The following CDKL5 variants were observed in gnomAD, a reference collection of about 807,000 sequenced individuals.
CDKL5 encodes cyclin dependent kinase like 5.
Under a neutral mutation model 61.7 loss-of-function variants are expected in CDKL5, and 8 were observed. The observed-to-expected ratio is 0.13, with a 90% confidence interval of 0.08 to 0.23. The LOEUF (loss-of-function observed/expected upper bound fraction) is 0.23, where lower values mean the gene tolerates loss of function less well. Ranked by LOEUF, CDKL5 falls within the 10% of genes least tolerant of loss-of-function variation. The pLI is 1.00. For missense variants in CDKL5, 440 were observed against 734.5 expected (o/e 0.60, Z 4.63); for synonymous variants, 275 against 272.3 (o/e 1.01, Z -0.10).
chrX:18,528,514 C>T (rs975837015), intron 3 of CDKL5, among the ~76,000 whole-genome samples: 2 of 110,469 alleles, frequency 1.8e-5, no homozygotes, highest in African/African-American at 6.6e-5. Context: ...ACTTCAACTT[C>T]CTCTTGATTA....
intron 1 of CDKL5, among the ~76,000 whole-genome samples, chrX:18,435,138 A>T (rs1248155741): frequency 1.8e-5 from 2 of 111,442 alleles, no homozygotes; most frequent in African/African-American, 6.5e-5. Flanking sequence ...TAATTTCCTG[A>T]TGAGTAGAAT....
At chrX:18,537,249 ACTC>A (rs912706288) in intron 3 of CDKL5, among the ~76,000 whole-genome samples, 4 of 111,150 alleles carry the variant, frequency 3.6e-5, no homozygotes, top group African/African-American at 1.3e-4. Flanking sequence ...ATACTACAAA[ACTC>A]CTGAAACTTT....
At chrX:18,510,639 T>C (rs771272212) in intron 2 of CDKL5, among the ~76,000 whole-genome samples, 181 bp from the exon 3 acceptor site, 5 of 112,607 alleles carry the variant, frequency 4.4e-5, no homozygotes, top group Non-Finnish European at 9.4e-5. Context: ...GTCTATACTC[T>C]TGATTTATAA....
chrX:18,511,175 C>T (rs1922813167), intron 3 of CDKL5, among the ~76,000 whole-genome samples: 1 of 111,462 alleles, frequency 9.0e-6, no homozygotes, highest in African/African-American at 3.3e-5. Context: ...TGGAATTTTC[C>T]ACTTGTGGCA....
chrX:18,520,174 A>G (rs771047420), intron 3 of CDKL5, among the ~76,000 whole-genome samples: 11 of 112,302 alleles, frequency 9.8e-5, no homozygotes, highest in Non-Finnish European at 1.7e-4. Context: ...ATGTTGTGCA[A>G]CCACCACCTC....
At chrX:18,431,423 C>CTT (rs1177063856) in intron 1 of CDKL5, among the ~76,000 whole-genome samples, 3 of 95,485 alleles carry the variant, frequency 3.1e-5, no homozygotes, top group Admixed American at 1.1e-4. Flanking sequence ...GATTTCTTTT[C>CTT]TTTTTTTTTT....
intron 3 of CDKL5, among the ~76,000 whole-genome samples, chrX:18,515,979 C>G (rs1313659753): frequency 2.7e-5 from 3 of 109,167 alleles, no homozygotes; most frequent in Non-Finnish European, 5.7e-5. Flanking sequence ...TCCTCCCTTC[C>G]TTCCTTTCTT....
At chrX:18,496,691 ACAGT>A (rs1026014203) in intron 1 of CDKL5, among the ~76,000 whole-genome samples, 1 of 112,036 alleles carries the variant, frequency 8.9e-6, no homozygotes, top group Non-Finnish European at 1.9e-5. Context: ...ATGCTATAAC[ACAGT>A]CAGATTGGAA....
intron 17 of CDKL5, among the ~76,000 whole-genome samples, chrX:18,625,963 A>G (rs1927027833): frequency 9.0e-6 from 1 of 111,194 alleles, no homozygotes; most frequent in African/African-American, 3.3e-5. Context: ...ATTCTTCTGC[A>G]CTATAATTTC....
intron 3 of CDKL5, among the ~76,000 whole-genome samples, chrX:18,560,588 A>G (rs1356917569): frequency 1.8e-5 from 2 of 112,006 alleles, no homozygotes; most frequent in South Asian, 3.7e-4. Flanking sequence ...TGATGATGCA[A>G]TTGTGAACTT....
chrX:18,642,114 G>A (rs375231198), downstream of CDKL5: 1 of 1,210,080 alleles, frequency 8.3e-7, no homozygotes, highest in African/African-American at 1.7e-5. Flanking sequence ...GGCCGCAGCA[G>A]GTTCTGAACC....
intron 14 of CDKL5, among the ~76,000 whole-genome samples, chrX:18,611,439 C>CAAA (rs1350028134): frequency 7.6e-5 from 3 of 39,330 alleles, no homozygotes; most frequent in Admixed American, 3.3e-4. Flanking sequence ...CGTCTCAAAA[C>CAAA]AAAAAAAAAA....
intron 16 of CDKL5, among the ~76,000 whole-genome samples, chrX:18,621,676 T>TAA (rs1299054631): frequency 9.0e-6 from 1 of 111,572 alleles, no homozygotes. Flanking sequence ...AAATACTTTA[T>TAA]TATCTTCAAT....
intron 1 of CDKL5, among the ~76,000 whole-genome samples, chrX:18,504,280 T>C (rs945824731): frequency 1.8e-5 from 2 of 110,782 alleles, no homozygotes; most frequent in South Asian, 7.9e-4. Flanking sequence ...TTGTTTTTTT[T>C]GTTTTTGTAG....
chrX:18,438,253 A>G (rs745854105), intron 1 of CDKL5, among the ~76,000 whole-genome samples: 16 of 108,632 alleles, frequency 1.5e-4, no homozygotes, highest in Non-Finnish European at 2.7e-4. Flanking sequence ...TTTAGTAAAG[A>G]CGGGGTTTCA....
chrX:18,650,797 G>A (rs997945975), intron 21 of CDKL5, among the ~76,000 whole-genome samples: 1 of 112,342 alleles, frequency 8.9e-6, no homozygotes, highest in African/African-American at 3.2e-5. Flanking sequence ...CTGGGGTAGG[G>A]GCCCACCCTC....
chrX:18,536,980 C>G (rs1478979172), intron 3 of CDKL5, among the ~76,000 whole-genome samples: 1 of 104,850 alleles, frequency 9.5e-6, no homozygotes, highest in Non-Finnish European at 1.9e-5. Context: ...TCAAATGTGC[C>G]AAAAATGTAG....
rs187666266 is a variant in CDKL5 at position 18,429,089 on chromosome X, C to G, written c.-163+3394C>G. Reference sequence around the variant, plus strand: ...TCATTCAAGTTTGTACATTTCTTCACACTGAGATACGAGCTTGGGTGCAAT... The same window carrying G: ...TCATTCAAGTTTGTACATTTCTTCAGACTGAGATACGAGCTTGGGTGCAAT... On this transcript the variant is annotated intron_variant, in intron 1 of 17. Coordinates refer to ENST00000623535, the MANE Select transcript of CDKL5 (RefSeq NM_001323289.2). Among the ~76,000 whole-genome samples the G allele has an allele frequency of 2.1e-3, 234 of 111,180 alleles. 2 individuals carry two copies. The highest frequency in any genetic ancestry group is 7.2e-3 in the African/African-American group (222 of 30,630).
intron 1 of CDKL5, among the ~76,000 whole-genome samples, chrX:18,459,331 G>A (rs1452689631): frequency 9.0e-6 from 1 of 111,050 alleles, no homozygotes; most frequent in Non-Finnish European, 1.9e-5. Context: ...TGAGGCAGGC[G>A]GACCACCTGA....
Sources: allele counts gnomAD v4.1 joint callset (sites outside exome capture counted in the v4.1 genomes callset), GRCh38; gene constraint gnomAD v4.1.1; transcripts MANE v1.5; gene names NCBI Gene and HGNC (gene_info 2026-07-23, HGNC 2026-07-21).